Variants in KAZN observed in about 807,000 individuals in gnomAD.
KAZN encodes the protein kazrin, periplakin interacting protein, also known as kazrin.
KAZN carries 40 observed loss-of-function variants against 87.4 expected under a neutral mutation model. The ratio of observed to expected loss-of-function variants is 0.46; its 90% CI spans 0.36 to 0.60. The LOEUF (loss-of-function observed/expected upper bound fraction) is 0.60. KAZN is among the 20% of genes least tolerant of loss of function. The pLI, the probability that KAZN is intolerant of heterozygous loss-of-function variation, is 0.00. For synonymous variants in KAZN, 466 were observed against 458.3 expected (o/e 1.02, Z -0.22); for missense variants, 898 against 1,073.9 (o/e 0.84, Z 2.29).
chr1:14,699,718 G>A (rs1291435288), intron 1 of KAZN, among the ~76,000 whole-genome samples: 8 of 152,170 alleles, frequency 5.3e-5, no homozygotes, highest in African/African-American at 7.2e-5. Context: ...ACCAGCCAGC[G>A]GTGTGCTAGT....
chr1:14,557,638 GT>G (rs1557799105), intron 2 of KAZN, among the ~76,000 whole-genome samples: 6 of 135,244 alleles, frequency 4.4e-5, no homozygotes, highest in Non-Finnish European at 9.4e-5. Flanking sequence ...GGGTGTGTGT[GT>G]GTGTGTGTGT....
At chr1:14,964,037 G>A (rs1664179320) in intron 2 of KAZN, among the ~76,000 whole-genome samples, 1 of 152,168 alleles carries the variant, frequency 6.6e-6, no homozygotes, top group Admixed American at 6.5e-5. Flanking sequence ...GTCATTGATA[G>A]GCATTTGGGT....
At chr1:14,327,421 C>T (rs956651393) in intron 2 of KAZN, among the ~76,000 whole-genome samples, 1 of 152,080 alleles carries the variant, frequency 6.6e-6, no homozygotes, top group South Asian at 2.1e-4. Flanking sequence ...ATGCCGAACC[C>T]ACCTCATTTG....
In KAZN at chr1:15,040,721, G is replaced by A. The variant is rs567411927; in HGVS notation, c.556-3268G>A. On this transcript the variant is annotated intron_variant, in intron 3 of 14. Transcript: ENST00000376030. ...GCAGAGGTTGCAGTCAGCCAAGATCGCACCACTACACTCCAGCTTGGGTGA... is the reference window on the plus strand; with the variant it reads ...GCAGAGGTTGCAGTCAGCCAAGATCACACCACTACACTCCAGCTTGGGTGA... Among the ~76,000 whole-genome samples, 425 of 151,416 alleles carry A rather than the reference G, an allele frequency of 2.8e-3. 1 individual carries two copies. Among genetic ancestry groups the A allele is most frequent in the Non-Finnish European group, 4.5e-3 (309 of 67,934 alleles).
chr1:14,047,281 A>G (rs1489919931), intron 1 of KAZN, among the ~76,000 whole-genome samples: 2 of 152,304 alleles, frequency 1.3e-5, no homozygotes, highest in East Asian at 3.9e-4. Context: ...CTAAGCTCTA[A>G]TGAGCACATC....
chr1:14,196,263 G>T (rs975742772), intron 2 of KAZN, among the ~76,000 whole-genome samples: 3 of 152,148 alleles, frequency 2.0e-5, no homozygotes, highest in East Asian at 1.9e-4. Flanking sequence ...CTGAACAAAA[G>T]GGGGAGCCTA....
At chr1:14,040,727 T>G (rs1179390132) in intron 1 of KAZN, among the ~76,000 whole-genome samples, 1 of 151,314 alleles carries the variant, frequency 6.6e-6, no homozygotes, top group African/African-American at 2.4e-5. Context: ...ATCGCACCAC[T>G]GCACTCTAGC....
chr1:14,385,288 A>C (rs1661769923), intron 2 of KAZN, among the ~76,000 whole-genome samples: 1 of 152,124 alleles, frequency 6.6e-6, no homozygotes, highest in Non-Finnish European at 1.5e-5. Context: ...AATTTTTTGA[A>C]AGATTTTTTG....
At chr1:14,096,399 G>C (rs1644129077) in intron 1 of KAZN, among the ~76,000 whole-genome samples, 1 of 152,210 alleles carries the variant, frequency 6.6e-6, no homozygotes, top group African/African-American at 2.4e-5. Flanking sequence ...TTAAGAGTGA[G>C]CCAGATGCCC....
chr1:14,395,674 C>CT (rs1462362476), intron 2 of KAZN, among the ~76,000 whole-genome samples: 2 of 152,194 alleles, frequency 1.3e-5, no homozygotes, highest in East Asian at 3.9e-4. Flanking sequence ...AGCTGTAAGA[C>CT]TAGGGTATCC....
chr1:15,100,562 C>A (rs1641015162), intron 10 of KAZN, among the ~76,000 whole-genome samples: 1 of 152,176 alleles, frequency 6.6e-6, no homozygotes, highest in Non-Finnish European at 1.5e-5. Context: ...GTGTGGCGAG[C>A]AGCGGAATGA....
intron 1 of KAZN, among the ~76,000 whole-genome samples, chr1:14,907,740 A>G (rs1208405626): frequency 6.6e-6 from 1 of 152,150 alleles, no homozygotes; most frequent in Non-Finnish European, 1.5e-5. Flanking sequence ...TGGACAGAGT[A>G]AGGAAAGTCA....
intron 2 of KAZN, among the ~76,000 whole-genome samples, chr1:14,507,638 A>C (rs1670656918): frequency 6.6e-6 from 1 of 152,106 alleles, no homozygotes; most frequent in African/African-American, 2.4e-5. Flanking sequence ...TATGAAGGAG[A>C]GCTGTCTTTT....
chr1:14,665,421 T>C (rs564556807), intron 1 of KAZN, among the ~76,000 whole-genome samples: 1 of 152,164 alleles, frequency 6.6e-6, no homozygotes, highest in Non-Finnish European at 1.5e-5. Flanking sequence ...GAATGATTGA[T>C]GAGTAAGTCA....
chr1:14,216,350 G>C (rs1326628374), intron 2 of KAZN, among the ~76,000 whole-genome samples: 1 of 152,098 alleles, frequency 6.6e-6, no homozygotes, highest in Non-Finnish European at 1.5e-5. Flanking sequence ...GAATGGTCTG[G>C]GTTTCTTGAA....
chr1:14,232,671 C>T (rs992945699), intron 2 of KAZN, among the ~76,000 whole-genome samples: 7 of 152,178 alleles, frequency 4.6e-5, no homozygotes, highest in East Asian at 3.8e-4. Flanking sequence ...TAGAATGTTG[C>T]GTGATGTTCC....
At chr1:13,901,732 C>G (rs6429801) in intron 1 of KAZN, among the ~76,000 whole-genome samples, 117,258 of 151,892 alleles carry the variant, frequency 0.77, 45,959 homozygotes, top group African/African-American at 0.91. Flanking sequence ...ACCTTTTGCT[C>G]TTGTTTCAAC....
At chr1:14,892,750 T>G (rs932864597) in intron 1 of KAZN, among the ~76,000 whole-genome samples, 1 of 152,114 alleles carries the variant, frequency 6.6e-6, no homozygotes, top group African/African-American at 2.4e-5. Flanking sequence ...AGGACACTTG[T>G]GCCACGGGGC....
chr1:14,492,751 TGTGCACACACATCACACACACCACAC>T (rs1571785442), intron 2 of KAZN, among the ~76,000 whole-genome samples: 1 of 40,994 alleles, frequency 2.4e-5, no homozygotes, highest in South Asian at 1.1e-3. Context: ...ACACACCACA[TGTGCACACACATCACACACACCACAC>T]GTGCACACAC....
Sources: allele counts gnomAD v4.1 joint callset (sites outside exome capture counted in the v4.1 genomes callset), GRCh38; gene constraint gnomAD v4.1.1; transcripts MANE v1.5; gene names NCBI Gene and HGNC (gene_info 2026-07-23, HGNC 2026-07-21).